Variants in SLC8A1 observed in about 807,000 individuals in gnomAD.
SLC8A1 encodes solute carrier family 8 member A1, also known as sodium/calcium exchanger 1.
A neutral mutation model predicts 68.3 loss-of-function variants in SLC8A1; 18 were observed. The ratio of observed to expected loss-of-function variants is 0.26; its 90% confidence interval spans 0.18 to 0.39. The LOEUF is 0.39. Ranked by LOEUF, SLC8A1 falls within the 10% of genes least tolerant of loss-of-function variation. The pLI is 1.00. For synonymous variants in SLC8A1, 475 were observed against 415.5 expected (o/e 1.14, Z -1.74); for missense variants, 985 against 1,156.7 (o/e 0.85, Z 2.15).
chr2:40,297,973 G>A (rs568578407), intron 2 of SLC8A1, among the ~76,000 whole-genome samples: 3 of 152,078 alleles, frequency 2.0e-5, no homozygotes, highest in Non-Finnish European at 4.4e-5. Context: ...TCCATCTCCT[G>A]CGTTCAAACC....
chr2:40,205,316 C>G (rs1315961740), intron 2 of SLC8A1, among the ~76,000 whole-genome samples: 1 of 151,976 alleles, frequency 6.6e-6, no homozygotes. Context: ...AAGGCCCTCT[C>G]TCTAGCCTAT....
intron 2 of SLC8A1, among the ~76,000 whole-genome samples, chr2:40,405,746 C>T (rs1033094172): frequency 3.3e-5 from 5 of 152,084 alleles, no homozygotes; most frequent in African/African-American, 1.2e-4. Flanking sequence ...TAACAGGTGC[C>T]TTATTTTTTT....
intron 7 of SLC8A1, among the ~76,000 whole-genome samples, chr2:40,125,515 G>A (rs985868524): frequency 1.3e-5 from 2 of 152,168 alleles, no homozygotes; most frequent in Admixed American, 6.5e-5. Flanking sequence ...GAACTGCAGA[G>A]CAGCACCAAA....
Position 40,140,489 on chromosome 2 carries a change from A to G in SLC8A1, c.2162-813T>C, listed in dbSNP as rs78862972. On this transcript the variant is annotated intron_variant, in intron 6 of 7. Coordinates refer to ENST00000406785, the Ensembl canonical transcript of SLC8A1. ...TAACTCTGGATCAGTGGTTCTCACA[A>G]TGTGCTTCCTGAGCAGGTGGCACAG... Among the ~76,000 whole-genome samples the G allele has an allele frequency of 7.6e-4, 116 of 152,312 alleles. 1 individual carries two copies. The East Asian group carries it at 0.018, about 23-fold the overall frequency.
At chr2:40,463,461 A>C in intron 1 of SLC8A1, among the ~76,000 whole-genome samples, 1 of 152,204 alleles carries the variant, frequency 6.6e-6, no homozygotes, top group Admixed American at 6.5e-5. Context: ...CCTTAGTTCC[A>C]CTATAGAACA....
intron 2 of SLC8A1, among the ~76,000 whole-genome samples, chr2:40,399,904 C>A (rs561957906): frequency 7.2e-5 from 11 of 152,272 alleles, no homozygotes; most frequent in African/African-American, 2.6e-4. Flanking sequence ...CACAAGCAGA[C>A]CGCCCGGCGC....
At chr2:40,191,478 A>T (rs73924568) in intron 2 of SLC8A1, among the ~76,000 whole-genome samples, 19,341 of 152,178 alleles carry the variant, frequency 0.13, 1,353 homozygotes, top group African/African-American at 0.16. Flanking sequence ...ATCAAAATTA[A>T]CCAAAACCAG....
rs115342526 is a variant in SLC8A1 at position 40,467,109 on chromosome 2, G to A, written c.-24-36805C>T. Among the ~76,000 whole-genome samples, 559 of 152,196 alleles carry A rather than the reference G, an allele frequency of 3.7e-3. 2 individuals are homozygous for A. Among genetic ancestry groups the A allele is most frequent in the African/African-American group, 0.013 (531 of 41,540 alleles). ...TAAAGCCTCTGTAGAAAGGACCAGA[G>A]AGGATCCCCAAGGCTGGCTGGAGGC... On this transcript the variant is annotated intron_variant, in intron 1 of 7. Transcript: ENST00000402441.
intron 1 of SLC8A1, among the ~76,000 whole-genome samples, chr2:40,500,084 T>C (rs1320585113): frequency 1.3e-5 from 2 of 152,050 alleles, no homozygotes; most frequent in Non-Finnish European, 2.9e-5. Context: ...ATTCATCATC[T>C]TGTACACATT....
intron 2 of SLC8A1, among the ~76,000 whole-genome samples, chr2:40,240,518 T>C (rs2061071852): frequency 6.6e-6 from 1 of 152,152 alleles, no homozygotes; most frequent in Non-Finnish European, 1.5e-5. Context: ...ATAAAAAAAT[T>C]CCTGCTATAT....
intron 6 of SLC8A1, among the ~76,000 whole-genome samples, chr2:40,145,044 A>G (rs2042197156): frequency 6.6e-6 from 1 of 152,126 alleles, no homozygotes; most frequent in South Asian, 2.1e-4. Flanking sequence ...GCTATTTTGT[A>G]TCCTTTGACC....
intron 2 of SLC8A1, among the ~76,000 whole-genome samples, chr2:40,308,386 G>A (rs369963618): frequency 1.3e-5 from 2 of 152,134 alleles, no homozygotes; most frequent in East Asian, 3.8e-4. Flanking sequence ...ACACTTTTCA[G>A]ATCTGATTCG....
intron 1 of SLC8A1, among the ~76,000 whole-genome samples, chr2:40,502,094 T>C (rs945344374): frequency 6.6e-6 from 1 of 152,098 alleles, no homozygotes; most frequent in Admixed American, 6.6e-5. Flanking sequence ...TGGTTCTTTC[T>C]AGGCCAATGG....
rs1043733662 is a variant in SLC8A1, at chr2:40,488,525, G to A, written c.-25+23824C>T. ...TTTAGCACGTGGAGAAAATGAACAT[G>A]TTCCCTTTTAACTGTTAAAAGGGAA... On this transcript the variant is annotated intron_variant, in intron 1 of 7. Coordinates refer to the SLC8A1 transcript ENST00000402441. 9.9e-5 allele frequency among the ~76,000 whole-genome samples: 15 copies of A among 152,014 alleles called. 1 individual carries two copies. The highest frequency in any genetic ancestry group is 5.8e-4 in the East Asian group (3 of 5,142).
At chr2:40,309,871 G>C (rs565270255) in intron 2 of SLC8A1, among the ~76,000 whole-genome samples, 89 of 152,008 alleles carry the variant, frequency 5.9e-4, no homozygotes, top group African/African-American at 1.5e-3. Context: ...GTATAATTCA[G>C]TGGTTTTTAG....
At chr2:40,345,491 A>G (rs1222372830) in intron 2 of SLC8A1, among the ~76,000 whole-genome samples, 1 of 152,140 alleles carries the variant, frequency 6.6e-6, no homozygotes, top group Non-Finnish European at 1.5e-5. Flanking sequence ...AAGAACATGA[A>G]AGACTCTACC....
intron 1 of SLC8A1, among the ~76,000 whole-genome samples, chr2:40,447,075 ATCTG>A (rs762125935): frequency 1.6e-4 from 25 of 152,206 alleles, no homozygotes; most frequent in African/African-American, 4.1e-4. Flanking sequence ...AAAGTAATTA[ATCTG>A]TCTTTTTAAA....
intron 2 of SLC8A1, among the ~76,000 whole-genome samples, chr2:40,381,368 G>A (rs76174996): frequency 6.6e-6 from 1 of 151,964 alleles, no homozygotes; most frequent in African/African-American, 2.4e-5. Flanking sequence ...CTTAAAGTAA[G>A]TATAACAAGA....
intron 2 of SLC8A1, among the ~76,000 whole-genome samples, chr2:40,235,514 T>C (rs978069471): frequency 7.9e-5 from 12 of 151,950 alleles, no homozygotes; most frequent in South Asian, 2.1e-4. Context: ...GTCTTGCTAG[T>C]GGTCTATCAA....
Sources: allele counts gnomAD v4.1 joint callset (sites outside exome capture counted in the v4.1 genomes callset), GRCh38; gene constraint gnomAD v4.1.1; transcripts MANE v1.5; gene names NCBI Gene and HGNC (gene_info 2026-07-23, HGNC 2026-07-21).